THEMIS2: variants seen among roughly 807,000 people sequenced by gnomAD.
THEMIS2 encodes thymocyte selection associated family member 2, also known as protein THEMIS2.
Under a neutral mutation model 46.8 loss-of-function variants are expected in THEMIS2, and 29 were observed. That is an observed-to-expected ratio of 0.62 (90% CI 0.46 to 0.84). The LOEUF is 0.84. Among genes scored for constraint, THEMIS2 ranks in the 40% least tolerant of loss-of-function variants. The probability of loss-of-function intolerance (pLI) is 0.00; values close to 1 mark genes in which losing one functional copy is unlikely to be tolerated. For missense variants in THEMIS2, 698 were observed against 834.7 expected, an observed-to-expected ratio of 0.84 and a Z score of 2.02; for synonymous variants, 335 against 349.1, an observed-to-expected ratio of 0.96 and a Z score of 0.45.
At position 27,876,734 on chromosome 1, in the gene THEMIS2, G is replaced by A. The variant is rs367776950; in HGVS notation, c.235+6G>A. ...GCTCGCCCCCAACTTCCAGGGTAAGGTGGGCACCTCTGCCTCCCCATGTGC... is the reference window on the plus strand; with the variant it reads ...GCTCGCCCCCAACTTCCAGGGTAAGATGGGCACCTCTGCCTCCCCATGTGC... On this transcript the variant is annotated splice_donor_region_variant and intron_variant, in intron 2 of 5. Transcript: ENST00000373921. 61 of 1,613,360 alleles carry A rather than the reference G, an allele frequency of 3.8e-5. No homozygotes were observed. In the Middle Eastern group the frequency reaches 9.9e-4, roughly 26 times the overall value.
At position 27,879,899 on chromosome 1, in the gene THEMIS2, A is replaced by G; in HGVS notation, c.491A>G (p.Lys164Arg). ...QVILHLPLSQ[K>R]GPFWTWEPSA... is the part of the protein sequence containing the mutation. ...ATCCTGCACCTGCCCCTATCCCAGA[A>G]GGGGCCCTTCTGGACATGGGAGCCT... is the stretch of plus-strand genomic sequence containing the variant. The change falls in exon 3 of 6, where the codon AAG becomes AGG. Residue 164 changes from lysine (K) to arginine (R), a missense_variant. By Grantham distance (26) the Lys-to-Arg change is conservative. Transcript: ENST00000373921. 1 of 1,612,406 alleles carries G rather than the reference A, an allele frequency of 6.2e-7. No homozygotes were observed. The highest frequency in any genetic ancestry group is 1.3e-5 in the African/African-American group (1 of 74,950).
chr1:27,880,013 T>C lies in THEMIS2; in HGVS notation c.605T>C (p.Leu202Pro). 1 of 1,609,606 alleles carries C rather than the reference T, an allele frequency of 6.2e-7. No individual in the cohort carries two copies. The highest frequency in any genetic ancestry group is 8.5e-7 in the Non-Finnish European group (1 of 1,176,518). The change falls in exon 3 of 6, where the codon CTG becomes CCG. Residue 202 changes from leucine (L) to proline (P), a missense_variant. Leu to Pro is a moderately conservative substitution (Grantham distance 98). Transcript: ENST00000373921. Reference protein sequence around the residue: ...LTCPTLPWHSLILRPQYEIQA... With the variant: ...LTCPTLPWHSPILRPQYEIQA... ...TGCCCCACCCTGCCCTGGCATTCCC[T>C]GATCCTGCGGCCCCAGTATGAGATC...
intron 1 of THEMIS2, among the ~76,000 whole-genome samples, 165 bp from the exon 2 acceptor site, chr1:27,876,423 C>T (rs763462973): frequency 2.0e-4 from 30 of 152,034 alleles, no homozygotes; most frequent in Admixed American, 7.9e-4. Flanking sequence ...CAGCTGAGGA[C>T]GACTGAACCT....
At position 27,879,891 on chromosome 1, in the gene THEMIS2, A is replaced by G. The variant is rs1210992925; in HGVS notation, c.483A>G (p.Leu161=). 2 of 1,612,600 alleles carry G rather than the reference A, an allele frequency of 1.2e-6. No individual in the cohort carries two copies. The highest frequency in any genetic ancestry group is 1.7e-6 in the Non-Finnish European group (2 of 1,179,306). The change falls in exon 3 of 6, where the codon CTA becomes CTG. Residue 161 remains leucine (L), a synonymous_variant. Transcript: ENST00000373921. ...AGCAGGTCATCCTGCACCTGCCCCTATCCCAGAAGGGGCCCTTCTGGACAT... is the reference window on the plus strand; with the variant it reads ...AGCAGGTCATCCTGCACCTGCCCCTGTCCCAGAAGGGGCCCTTCTGGACAT... ...EGQQVILHLP[L]SQKGPFWTWE...
chr1:27,886,330 A>C lies in THEMIS2; in HGVS notation c.*408A>C. 3 of 205,330 alleles carry C rather than the reference A, an allele frequency of 1.5e-5. No individual in the cohort carries two copies. The highest frequency in any genetic ancestry group is 7.2e-5 in the South Asian group (1 of 13,832). The allele number at this position is 205,330 out of a possible 1,614,324, so 12.7% of individuals were successfully genotyped here. On this transcript the variant is annotated 3_prime_UTR_variant, in exon 6 of 6. Transcript: ENST00000373921. ...GATTTTGTTAACGTCTGCCACCCCC[A>C]CTCTCACCCCCAAGCTCTAAGCCCC...
chr1:27,873,057 C>T (rs2089516159), intron 1 of THEMIS2, among the ~76,000 whole-genome samples: 1 of 151,912 alleles, frequency 6.6e-6, no homozygotes, highest in Admixed American at 6.6e-5. Context: ...CGTCTGTGTC[C>T]TCCCACTCCT....
chr1:27,885,608 C>T (rs2089757343), intron 5 of THEMIS2, among the ~76,000 whole-genome samples, 157 bp downstream of exon 5: 1 of 152,164 alleles, frequency 6.6e-6, no homozygotes, highest in Admixed American at 6.6e-5. Context: ...TAGAAAGGTT[C>T]CTACTGTCTT....
chr1:27,879,416 G>T (rs1000814719), intron 2 of THEMIS2, among the ~76,000 whole-genome samples: 5 of 152,048 alleles, frequency 3.3e-5, no homozygotes, highest in African/African-American at 1.2e-4. Context: ...AGTCTCTCTC[G>T]GTTCCTACTT....
At position 27,886,400 on chromosome 1, in the gene THEMIS2, G is replaced by A. The variant is rs1036293129; in HGVS notation, c.*478G>A. 5.8e-6 allele frequency: 1 copy of A among 171,330 alleles called. No individual in the cohort carries two copies. The highest frequency in any genetic ancestry group is 1.3e-5 in the Non-Finnish European group (1 of 78,724). The allele number at this position is 171,330 out of a possible 1,614,324, so 10.6% of individuals were successfully genotyped here. A position where few individuals can be genotyped will look rare whatever the true frequency, so the allele number is the denominator to read the frequency against. On this transcript the variant is annotated 3_prime_UTR_variant, in exon 6 of 6. Coordinates refer to ENST00000373921, the MANE Select transcript of THEMIS2 (RefSeq NM_001105556.3). ...TCCTCATCTCTGTAGCACCAAGCCT[G>A]ATAGATCTGTATATGGTAAACAGGG...
At position 27,872,910 on chromosome 1, in the gene THEMIS2, G is replaced by C. The variant is rs1390881198; in HGVS notation, c.94+245G>C. Among the ~76,000 whole-genome samples the C allele has an allele frequency of 6.6e-6, 1 of 152,212 alleles. No homozygotes were observed. Among genetic ancestry groups the C allele is most frequent in the East Asian group, 1.9e-4 (1 of 5,184 alleles). Reference sequence around the variant, plus strand: ...GAAAAGTCAGTGGGTTGAGGCGCGGGAGGTGGATGCAGCCGGGCCACTCCT... The same window carrying C: ...GAAAAGTCAGTGGGTTGAGGCGCGGCAGGTGGATGCAGCCGGGCCACTCCT... On this transcript the variant is annotated intron_variant, in intron 1 of 5. Transcript: ENST00000373921. This position sits in a 1 kb window ranked among gnomAD's most constrained non-coding sequence, Gnocchi z 4.9.
At position 27,872,553 on chromosome 1, in the gene THEMIS2, C is replaced by A. The variant is rs2089504924; in HGVS notation, c.-19C>A. On this transcript the variant is annotated 5_prime_UTR_variant, in exon 1 of 6. Coordinates refer to ENST00000373921, the MANE Select transcript of THEMIS2 (RefSeq NM_001105556.3). The surrounding 1 kb of genome is among the most constrained non-coding windows in gnomAD (Gnocchi z 4.9). ...CGCCCGCCCGCCCCTCAGTCTGAGC[C>A]CAGAGAGCCGCGGGGACCATGGAGC... is the stretch of plus-strand genomic sequence containing the variant. The A allele has an allele frequency of 6.8e-6, 10 of 1,480,514 alleles. No individual in the cohort carries two copies. Among genetic ancestry groups the A allele is most frequent in the Non-Finnish European group, 8.9e-6 (10 of 1,118,690 alleles). The allele number at this position is 1,480,514 out of a possible 1,614,324, so 91.7% of individuals were successfully genotyped here. A position where few individuals can be genotyped will look rare whatever the true frequency, so the allele number is the denominator to read the frequency against.
chr1:27,873,965 G>A (rs1202534965), intron 1 of THEMIS2, among the ~76,000 whole-genome samples: 2 of 151,918 alleles, frequency 1.3e-5, no homozygotes, highest in Non-Finnish European at 2.9e-5. Context: ...AGGGCACTCA[G>A]AAGGGGCTGG....
chr1:27,883,164 A>G, intron 4 of THEMIS2, 121 bp downstream of exon 4: 1 of 824,174 alleles, frequency 1.2e-6, no homozygotes, highest in Non-Finnish European at 1.9e-6. Context: ...AAACTTGCAC[A>G]CTTTGCACCC....
Position 27,882,699 on chromosome 1 carries a change from G to A in THEMIS2, c.1375G>A (p.Ala459Thr), listed in dbSNP as rs779619631. 6 of 1,614,036 alleles carry A rather than the reference G, an allele frequency of 3.7e-6. No individual in the cohort carries two copies. In the East Asian group the frequency reaches 1.3e-4, roughly 36 times the overall value. The change falls in exon 4 of 6, where the codon GCC becomes ACC. Residue 459 changes from alanine to threonine, a missense_variant. Coordinates refer to ENST00000373921, the MANE Select transcript of THEMIS2 (RefSeq NM_001105556.3). The surrounding 1 kb of genome is among the most constrained non-coding windows in gnomAD (Gnocchi z 7.6). ...FSLPCEVKVVAKDTSHPTDPL... is the reference protein window; with the variant it reads ...FSLPCEVKVVTKDTSHPTDPL... ...ACTGCCTTGTGAGGTCAAGGTGGTG[G>A]CCAAGGACACCAGCCACCCCACTGA...
intron 1 of THEMIS2, among the ~76,000 whole-genome samples, chr1:27,874,117 G>A (rs1455931640): frequency 7.1e-6 from 1 of 140,624 alleles, no homozygotes; most frequent in Non-Finnish European, 1.5e-5. Flanking sequence ...CTGCGGCCTC[G>A]ACCTCCTGGG....
chr1:27,872,699 C>T lies in THEMIS2; in HGVS notation c.94+34C>T, dbSNP rs1037998200. 9 of 1,271,688 alleles carry T rather than the reference C, an allele frequency of 7.1e-6. No homozygotes were observed. In the African/African-American group the frequency reaches 9.3e-5, roughly 13 times the overall value. The allele number at this position is 1,271,688 out of a possible 1,614,324, so 78.8% of individuals were successfully genotyped here. ...GGGCTGGAACCCCTCCGAGCACTCC[C>T]TTGGTGTGGGGCGGGGGCAGAGACC... On this transcript the variant is annotated intron_variant, in intron 1 of 5. Coordinates refer to ENST00000373921, the MANE Select transcript of THEMIS2 (RefSeq NM_001105556.3). The surrounding 1 kb of genome is among the most constrained non-coding windows in gnomAD (Gnocchi z 4.9).
At position 27,882,860 on chromosome 1, in the gene THEMIS2, C is replaced by T; in HGVS notation, c.1536C>T (p.Ala512=). The change falls in exon 4 of 6, where the codon GCC becomes GCT. Residue 512 remains alanine, a synonymous_variant. Coordinates refer to ENST00000373921, the MANE Select transcript of THEMIS2 (RefSeq NM_001105556.3). The surrounding 1 kb of genome is among the most constrained non-coding windows in gnomAD (Gnocchi z 7.6). ...GGCTGGACCTGACTGTTGTGAAGGC[C>T]AAGGGGCAGCCAGACTTGCCAGAGG... The part of the protein sequence containing the change: ...PRWLDLTVVK[A]KGQPDLPEGS... 1.2e-6 allele frequency: 2 copies of T among 1,613,936 alleles called. No individual in the cohort carries two copies. Among genetic ancestry groups the T allele is most frequent in the Non-Finnish European group, 1.7e-6 (2 of 1,179,962 alleles).
At chr1:27,874,780 G>T (rs114529397) in intron 1 of THEMIS2, among the ~76,000 whole-genome samples, 2,714 of 151,612 alleles carry the variant, frequency 0.018, 38 homozygotes, top group Non-Finnish European at 0.029. Context: ...ACTCTGTCTC[G>T]AAAAAAAGGA....
At chr1:27,877,018 C>T (rs1377125719) in intron 2 of THEMIS2, among the ~76,000 whole-genome samples, 3 of 152,204 alleles carry the variant, frequency 2.0e-5, no homozygotes, top group African/African-American at 7.2e-5. Context: ...ACATTCACTC[C>T]CCAAACATCT....
Sources: gnomAD v4.1 joint callset for allele counts (sites outside exome capture counted in the v4.1 genomes callset) on GRCh38, gnomAD v4.1.1 for gene constraint, Gnocchi (gnomAD v3.1) non-coding constraint, MANE v1.5 for transcripts, NCBI Gene and HGNC (gene_info 2026-07-23, HGNC 2026-07-21) for gene names.